LRRC7: variants seen among roughly 807,000 people sequenced by gnomAD.
The protein encoded by LRRC7 is leucine rich repeat containing 7, also known as leucine-rich repeat-containing protein 7.
LRRC7 carries 23 observed loss-of-function variants against 175.7 expected under a neutral mutation model. The ratio of observed to expected loss-of-function variants is 0.13; its 90% CI spans 0.09 to 0.19. The LOEUF (loss-of-function observed/expected upper bound fraction) is 0.19. LRRC7 is among the 10% of genes least tolerant of loss of function. LRRC7 has a pLI of 1.00. For missense variants in LRRC7, 1,354 were observed against 1,904.7 expected (o/e 0.71, Z 5.38); for synonymous variants, 685 against 680.9 (o/e 1.01, Z -0.09).
intron 2 of LRRC7, among the ~76,000 whole-genome samples, chr1:69,716,909 C>A (rs1557639297): frequency 6.6e-6 from 1 of 151,738 alleles, no homozygotes; most frequent in African/African-American, 2.4e-5. Flanking sequence ...AGAGTTGATT[C>A]TTTATCCACA....
chr1:69,862,270 G>T (rs1401206801), intron 7 of LRRC7, among the ~76,000 whole-genome samples: 2 of 152,152 alleles, frequency 1.3e-5, no homozygotes, highest in Non-Finnish European at 2.9e-5. Flanking sequence ...GGTTGAACGT[G>T]GAAAACTGGT....
rs1477879873 is a variant in LRRC7 at position 70,125,542 on chromosome 1, C to T, written c.*3655C>T. ...GCGCGGTGGCTCACGCCTGTAATCC[C>T]AGCACTTTGGGAGGCCGAGGCGGGC... On this transcript the variant is annotated 3_prime_UTR_variant, in exon 27 of 27. Coordinates refer to ENST00000651989, the MANE Select transcript of LRRC7 (RefSeq NM_001370785.2). Among the ~76,000 whole-genome samples, 2 of 152,150 alleles carry T rather than the reference C, an allele frequency of 1.3e-5. No individual in the cohort carries two copies. The highest frequency in any genetic ancestry group is 4.8e-5 in the African/African-American group (2 of 41,454).
chr1:70,059,348 T>C (rs1661394153), intron 23 of LRRC7, among the ~76,000 whole-genome samples: 1 of 152,194 alleles, frequency 6.6e-6, no homozygotes. Context: ...TTACCTCTTA[T>C]GCTGAACTTG....
rs1476304717 is a variant in LRRC7, at chr1:70,143,767, G to C, written c.*21880G>C. On this transcript the variant is annotated 3_prime_UTR_variant, in exon 27 of 27. Coordinates refer to ENST00000651989, the MANE Select transcript of LRRC7 (RefSeq NM_001370785.2). ...TATAAAAAAAATCAAATCACAACAT[G>C]TTTAACTGAAATGGCTGTATTGTAA... The C allele has an allele frequency of 6.6e-6, 1 of 152,022 alleles. No homozygotes were observed. The highest frequency in any genetic ancestry group is 1.5e-5 in the Non-Finnish European group (1 of 67,988). The allele number at this position is 152,022 out of a possible 1,614,324, so 9.4% of individuals were successfully genotyped here. A position where few individuals can be genotyped will look rare whatever the true frequency, so the allele number is the denominator to read the frequency against.
intron 8 of LRRC7, among the ~76,000 whole-genome samples, chr1:69,954,970 C>G (rs1415851128): frequency 2.0e-5 from 3 of 152,004 alleles, no homozygotes; most frequent in African/African-American, 7.2e-5. Context: ...ATCATTCTTA[C>G]ATGGAAGAGA....
intron 3 of LRRC7, among the ~76,000 whole-genome samples, chr1:69,760,759 TTAA>T (rs1670952480): frequency 1.3e-5 from 2 of 152,070 alleles, no homozygotes; most frequent in African/African-American, 4.8e-5. Flanking sequence ...ATGTTGTATA[TTAA>T]GGTGACATTA....
intron 1 of LRRC7, among the ~76,000 whole-genome samples, chr1:69,627,555 C>T (rs1651799196): frequency 6.6e-6 from 1 of 152,064 alleles, no homozygotes; most frequent in Non-Finnish European, 1.5e-5. Context: ...GTTTCTTTTG[C>T]TGTGCAGAAG....
At chr1:69,788,573 A>G (rs1424537980) in intron 3 of LRRC7, among the ~76,000 whole-genome samples, 1 of 152,216 alleles carries the variant, frequency 6.6e-6, no homozygotes, top group African/African-American at 2.4e-5. Context: ...TGTCAAGCAA[A>G]TATCTGAAAC....
intron 2 of LRRC7, among the ~76,000 whole-genome samples, chr1:69,710,237 C>G (rs959134386): frequency 2.8e-5 from 4 of 142,866 alleles, no homozygotes; most frequent in African/African-American, 1.1e-4. Context: ...CAAGATCACG[C>G]CACTGCTCCC....
chr1:69,782,334 A>C (rs1673857719), intron 3 of LRRC7, among the ~76,000 whole-genome samples: 1 of 152,220 alleles, frequency 6.6e-6, no homozygotes, highest in Non-Finnish European at 1.5e-5. Context: ...ACAATCTTGT[A>C]ATCACAAAAC....
chr1:69,902,480 A>G (rs1381833602), intron 7 of LRRC7, among the ~76,000 whole-genome samples: 1 of 152,182 alleles, frequency 6.6e-6, no homozygotes, highest in East Asian at 1.9e-4. Flanking sequence ...CTGAGGCACA[A>G]GAATTGCTTG....
intron 23 of LRRC7, among the ~76,000 whole-genome samples, chr1:70,074,787 T>A (rs370493324): frequency 6.6e-6 from 1 of 152,236 alleles, no homozygotes; most frequent in South Asian, 2.1e-4. Flanking sequence ...TTGTTTGGAA[T>A]CCAGCAATAT....
At chr1:70,012,890 A>G in intron 12 of LRRC7, 84 bp from the exon 13 acceptor site, 1 of 637,328 alleles carries the variant, frequency 1.6e-6, no homozygotes, top group Non-Finnish European at 2.5e-6. Context: ...AAAATCTACT[A>G]AATTGTTTTA....
chr1:69,930,500 T>A (rs1346164290), intron 7 of LRRC7, among the ~76,000 whole-genome samples: 1 of 152,150 alleles, frequency 6.6e-6, no homozygotes, highest in Non-Finnish European at 1.5e-5. Flanking sequence ...TAAAAAAAAA[T>A]CTTTCAGAAA....
At chr1:69,686,529 C>T (rs954544741) in intron 2 of LRRC7, among the ~76,000 whole-genome samples, 1 of 152,024 alleles carries the variant, frequency 6.6e-6, no homozygotes, top group East Asian at 1.9e-4. Flanking sequence ...AACACTGATA[C>T]CAGTAGACTG....
rs963264239 is a variant in LRRC7, at chr1:69,817,595, T to C, written c.422-8153T>C. The stretch of plus-strand genomic sequence containing the variant: ...TCCAGCTTTTTCTTCTTGCTCAAAA[T>C]TACTTTAGCTACTCAGAATCTTTTG... On this transcript the variant is annotated intron_variant, in intron 4 of 26. Coordinates refer to ENST00000651989, the MANE Select transcript of LRRC7 (RefSeq NM_001370785.2). 8.5e-5 allele frequency among the ~76,000 whole-genome samples: 13 copies of C among 152,134 alleles called. No homozygotes were observed. The East Asian group carries it at 2.5e-3, about 29-fold the overall frequency.
At chr1:69,791,963 G>T in intron 3 of LRRC7, 80 bp from the exon 4 acceptor site, 1 of 891,312 alleles carries the variant, frequency 1.1e-6, no homozygotes, top group Non-Finnish European at 1.8e-6. Context: ...ATATAAACAT[G>T]GTGACTTTAA....
intron 7 of LRRC7, among the ~76,000 whole-genome samples, chr1:69,906,240 C>T (rs1395289503): frequency 6.6e-6 from 1 of 152,118 alleles, no homozygotes; most frequent in East Asian, 1.9e-4. Context: ...GTTTCTTTTG[C>T]TGTGCAGAAG....
At chr1:70,060,326 AC>A (rs373704034) in intron 23 of LRRC7, among the ~76,000 whole-genome samples, 3,833 of 150,708 alleles carry the variant, frequency 0.025, 110 homozygotes, top group African/African-American at 0.07. Context: ...CTCCAACCCC[AC>A]CCCCCCAAAA....
Sources: allele counts gnomAD v4.1 joint callset (sites outside exome capture counted in the v4.1 genomes callset), GRCh38; gene constraint gnomAD v4.1.1; transcripts MANE v1.5; gene names NCBI Gene and HGNC (gene_info 2026-07-23, HGNC 2026-07-21).